The following MECR variants were observed in gnomAD, a reference collection of about 807,000 sequenced individuals.
MECR encodes the protein enoyl-[acyl-carrier-protein] reductase, mitochondrial.
Under a neutral mutation model 49.1 loss-of-function variants are expected in MECR, and 37 were observed. That is an observed-to-expected ratio of 0.75 (90% CI 0.58 to 0.99). The LOEUF (loss-of-function observed/expected upper bound fraction) is 0.99. Ranked by LOEUF, MECR falls within the 50% of genes least tolerant of loss-of-function variation. MECR has a pLI of 0.00. For missense variants in MECR, 470 were observed against 479.6 expected (o/e 0.98, Z 0.19); for synonymous variants, 198 against 191.1 (o/e 1.04, Z -0.30).
the MECR span, among the ~76,000 whole-genome samples, chr1:29,176,716 G>A: frequency 3.9e-5 from 6 of 152,066 alleles, no homozygotes; most frequent in African/African-American, 1.4e-4. Context: ...TGCCTCACTC[G>A]AAGAGTCTTG....
chr1:29,194,324 G>T, intron 9 of MECR, 145 bp from the exon 10 acceptor site: 1 of 886,660 alleles, frequency 1.1e-6, no homozygotes, highest in Non-Finnish European at 1.7e-6. Flanking sequence ...TAGGGTGGCT[G>T]TGGAGGCAGC....
intron 7 of MECR, among the ~76,000 whole-genome samples, chr1:29,200,146 A>T (rs1028724280): frequency 2.6e-5 from 4 of 152,330 alleles, no homozygotes; most frequent in South Asian, 2.1e-4. Flanking sequence ...TTACCTTTAA[A>T]ATTAGAATCT....
chr1:29,205,272 C>T (rs2151868047), intron 4 of MECR, among the ~76,000 whole-genome samples: 1 of 152,176 alleles, frequency 6.6e-6, no homozygotes, highest in Admixed American at 6.5e-5. Flanking sequence ...GCAACTTCCG[C>T]CTCCCGGGTT....
rs536752565 is a variant in MECR, at chr1:29,200,653, C to A, written c.757-64G>T. 29 of 1,429,014 alleles carry A rather than the reference C, an allele frequency of 2.0e-5. No individual in the cohort carries two copies. The Admixed American group carries it at 3.6e-4, about 18-fold the overall frequency. 88.5% of individuals were successfully genotyped at this position (1,429,014 alleles called of 1,614,324 possible). A position where few individuals can be genotyped will look rare whatever the true frequency, so the allele number is the denominator to read the frequency against. ...CTCTACATATGGGGTCTGAAGCTTG[C>A]CCAAGTGCTGTGTTAAAAGGAGGGA... On this transcript the variant is annotated intron_variant, in intron 6 of 9. Transcript: ENST00000263702.
chr1:29,229,389 G>C (rs1682907246), intron 1 of MECR, among the ~76,000 whole-genome samples: 1 of 152,088 alleles, frequency 6.6e-6, no homozygotes, highest in Non-Finnish European at 1.5e-5. Context: ...ATTTTTAGTA[G>C]AGATGGGGTT....
rs1410932577 is a variant in MECR at position 29,216,077 on chromosome 1, C to A, written c.334G>T (p.Val112Leu). ...GTCACATTGCTGCCCACCGCTACCA[C>A]CTGTGCAACACCTTCGTTCCCTCCA... Reference protein sequence around the residue: ...AVGGNEGVAQVVAVGSNVTGL... With the variant: ...AVGGNEGVAQLVAVGSNVTGL... The change falls in exon 3 of 10, where the codon GTG becomes TTG. Residue 112 changes from valine (V) to leucine (L), a missense_variant. By Grantham distance (32) the Val-to-Leu change is conservative. Coordinates refer to ENST00000263702, the MANE Select transcript of MECR (RefSeq NM_016011.5). 6.2e-7 allele frequency: 1 copy of A among 1,614,100 alleles called. No individual in the cohort carries two copies. Among genetic ancestry groups the A allele is most frequent in the East Asian group, 2.2e-5 (1 of 44,872 alleles).
chr1:29,181,780 C>T, the MECR span: 1 of 1,544,694 alleles, frequency 6.5e-7, no homozygotes, highest in South Asian at 1.2e-5. Context: ...TGGCTGGCCC[C>T]GGCCCCAGCC....
At position 29,218,657 on chromosome 1, in the gene MECR, G is replaced by A. The variant is rs539556979; in HGVS notation, c.177-1972C>T. ...GGAGGCTGAGGTGGATGGATCACGA[G>A]GTCAGGAGGTCGAGACCAGCCTGGT... On this transcript the variant is annotated intron_variant, in intron 1 of 9. Transcript: ENST00000263702. Among the ~76,000 whole-genome samples the A allele has an allele frequency of 1.1e-4, 16 of 152,304 alleles. 1 individual carries two copies. In the Middle Eastern group the frequency reaches 0.017, roughly 162 times the overall value.
chr1:29,217,117 G>C (rs1208957784), intron 1 of MECR, among the ~76,000 whole-genome samples: 3 of 43,884 alleles, frequency 6.8e-5, no homozygotes, highest in East Asian at 1.5e-3. Context: ...GACAAAGCAA[G>C]ACTTTGTCTC....
At chr1:29,175,160 G>A in the MECR span, among the ~76,000 whole-genome samples, 1 of 151,898 alleles carries the variant, frequency 6.6e-6, no homozygotes, top group Non-Finnish European at 1.5e-5. Context: ...GGTGGCTCAC[G>A]CCTGTAATCC....
downstream of MECR, among the ~76,000 whole-genome samples, chr1:29,188,597 C>A (rs1306124466): frequency 6.6e-6 from 1 of 151,624 alleles, no homozygotes; most frequent in Non-Finnish European, 1.5e-5. Context: ...CAGGAAGCTG[C>A]AGGGCTTCAG....
At chr1:29,210,203 G>A (rs1227588634) in intron 3 of MECR, among the ~76,000 whole-genome samples, 1 of 152,012 alleles carries the variant, frequency 6.6e-6, no homozygotes, top group East Asian at 1.9e-4. Context: ...TAGTAGAGAT[G>A]GGGTTTCACT....
At chr1:29,198,971 A>AGGTGG (rs1674670596) in intron 7 of MECR, among the ~76,000 whole-genome samples, 1 of 152,010 alleles carries the variant, frequency 6.6e-6, no homozygotes, top group African/African-American at 2.4e-5. Context: ...CCCCCTGTCT[A>AGGTGG]GGTGGTTGTG....
the MECR span, among the ~76,000 whole-genome samples, chr1:29,178,185 CCACCGTGACCGGTCTAGA>C: frequency 3.9e-5 from 6 of 152,170 alleles, no homozygotes; most frequent in Middle Eastern, 3.4e-3. Context: ...CAGGTGTGAG[CCACCGTGACCGGTCTAGA>C]CAAGCATTTT....
intron 1 of MECR, among the ~76,000 whole-genome samples, chr1:29,228,118 G>C (rs1682563729): frequency 3.3e-5 from 5 of 152,172 alleles, no homozygotes; most frequent in Admixed American, 3.3e-4. Context: ...GTACACACCT[G>C]CAATCCCTGC....
At chr1:29,197,318 C>T (rs1347320483) in intron 7 of MECR, among the ~76,000 whole-genome samples, 5 of 152,138 alleles carry the variant, frequency 3.3e-5, no homozygotes, top group African/African-American at 1.2e-4. Flanking sequence ...AGTGCTCATT[C>T]TAAGAATCAA....
At chr1:29,176,058 C>T in the MECR span, among the ~76,000 whole-genome samples, 1 of 152,104 alleles carries the variant, frequency 6.6e-6, no homozygotes, top group African/African-American at 2.4e-5. Flanking sequence ...CAAGACCATC[C>T]TGCCTAACAC....
chr1:29,174,224 TAGG>T, the MECR span, among the ~76,000 whole-genome samples: 1 of 132,966 alleles, frequency 7.5e-6, no homozygotes, highest in Non-Finnish European at 1.6e-5. Context: ...AAAAAAAAAA[TAGG>T]AGCTCTTAAA....
In MECR at chr1:29,216,077, C is replaced by T; in HGVS notation, c.334G>A (p.Val112Met). The T allele has an allele frequency of 6.2e-7, 1 of 1,614,100 alleles. No homozygotes were observed. Among genetic ancestry groups the T allele is most frequent in the Non-Finnish European group, 8.5e-7 (1 of 1,179,976 alleles). ...AVGGNEGVAQ[V>M]VAVGSNVTGL... is the part of the protein sequence containing the mutation. ...GTCACATTGCTGCCCACCGCTACCA[C>T]CTGTGCAACACCTTCGTTCCCTCCA... Residue 112 changes from valine to methionine, a missense_variant, in exon 3 of 10, where the codon GTG becomes ATG. Val to Met is a conservative substitution (Grantham distance 21). Transcript: ENST00000263702.
Sources: gnomAD v4.1 joint callset for allele counts (sites outside exome capture counted in the v4.1 genomes callset) on GRCh38, gnomAD v4.1.1 for gene constraint, MANE v1.5 for transcripts, NCBI Gene and HGNC (gene_info 2026-07-23, HGNC 2026-07-21) for gene names.